PUM3: variants seen among roughly 807,000 people sequenced by gnomAD.
PUM3 encodes pumilio homolog 3.
PUM3 carries 91 observed loss-of-function variants against 84.0 expected under a neutral mutation model. That is an observed-to-expected ratio of 1.08 (90% CI 0.91 to 1.29). The LOEUF is 1.29. PUM3 is among the 50% of genes most tolerant of loss of function. The pLI is 0.00. For synonymous variants in PUM3, 321 were observed against 266.7 expected (o/e 1.20, Z -1.98); for missense variants, 1,067 against 767.5 (o/e 1.39, Z -4.61).
intron 12 of PUM3, among the ~76,000 whole-genome samples, chr9:2,822,707 G>A (rs955046415): frequency 7.5e-6 from 1 of 133,142 alleles, no homozygotes; most frequent in Non-Finnish European, 1.6e-5. Flanking sequence ...TTATAATTAT[G>A]AATTATATTT....
intron 12 of PUM3, among the ~76,000 whole-genome samples, chr9:2,821,286 T>C (rs997726135): frequency 3.3e-5 from 5 of 150,792 alleles, no homozygotes; most frequent in Non-Finnish European, 7.4e-5. Context: ...CTACTACTAA[T>C]ACAAAACATT....
chr9:2,838,062 A>G (rs768094248), intron 2 of PUM3, among the ~76,000 whole-genome samples: 1 of 152,196 alleles, frequency 6.6e-6, no homozygotes, highest in Non-Finnish European at 1.5e-5. Flanking sequence ...GGAATAATAA[A>G]GACATCACCA....
intron 3 of PUM3, among the ~76,000 whole-genome samples, chr9:2,835,387 C>A (rs1017452770): frequency 3.3e-5 from 5 of 152,134 alleles, no homozygotes; most frequent in Non-Finnish European, 7.4e-5. Context: ...CATTGCACTT[C>A]ACAGTCTGGG....
At chr9:2,831,095 A>C in intron 6 of PUM3, 67 bp from the exon 7 acceptor site, 1 of 1,007,516 alleles carries the variant, frequency 9.9e-7, no homozygotes, top group South Asian at 1.4e-5. Flanking sequence ...CAAAGGGAGG[A>C]AATTTGTCCC....
At chr9:2,840,198 C>T (rs1280410726) in intron 1 of PUM3, among the ~76,000 whole-genome samples, 1 of 152,126 alleles carries the variant, frequency 6.6e-6, no homozygotes, top group Admixed American at 6.5e-5. Context: ...TTATGTTAAC[C>T]GTGTTCACTT....
chr9:2,838,440 A>C lies in PUM3; in HGVS notation c.68T>G (p.Phe23Cys). The C allele has an allele frequency of 6.2e-7, 1 of 1,610,692 alleles. No homozygotes were observed. Among genetic ancestry groups the C allele is most frequent in the Non-Finnish European group, 8.5e-7 (1 of 1,177,006 alleles). ...GCATATCTTACCACTATTTTTATGA[A>C]ATCTGTTTTTTTCTTGTGCTGTCTT... ...STKTAQEKNR[F>C]HKNSDSGSSK... The change falls in exon 2 of 18, where the codon TTT (phenylalanine) becomes TGT (cysteine). Residue 23 changes from phenylalanine to cysteine, a missense_variant. Transcript: ENST00000397885.
chr9:2,842,674 G>C (rs1816296759), intron 1 of PUM3, among the ~76,000 whole-genome samples: 1 of 152,024 alleles, frequency 6.6e-6, no homozygotes, highest in South Asian at 2.1e-4. Context: ...TTTATGCTGA[G>C]TACTCCCAAA....
rs1386519142 is a variant in PUM3, at chr9:2,837,174, A to G, written c.304+6T>C. On this transcript the variant is annotated splice_donor_region_variant and intron_variant, in intron 3 of 17. Transcript: ENST00000397885. ...CTAGTTCAGGCATGAACGAACCAGT[A>G]CTTACCATCGCTTCTACCATCTGGC... 2.5e-6 allele frequency: 4 copies of G among 1,612,652 alleles called. No homozygotes were observed. Among genetic ancestry groups the G allele is most frequent in the East Asian group, 2.2e-5 (1 of 44,876 alleles).
intron 7 of PUM3, 122 bp from the exon 8 acceptor site, chr9:2,830,070 G>C: frequency 1.3e-6 from 1 of 765,862 alleles, no homozygotes; most frequent in Non-Finnish European, 2.1e-6. Context: ...GAGTAAATGA[G>C]CTAGCATGCA....
chr9:2,835,921 T>C (rs1816107957), intron 3 of PUM3, among the ~76,000 whole-genome samples: 1 of 152,146 alleles, frequency 6.6e-6, no homozygotes. Context: ...TATATGTGTT[T>C]AAAATGCAGG....
At chr9:2,818,012 T>G (rs1337238928) in intron 13 of PUM3, among the ~76,000 whole-genome samples, 3 of 152,264 alleles carry the variant, frequency 2.0e-5, no homozygotes, top group African/African-American at 7.2e-5. Flanking sequence ...GTATCCATTT[T>G]GAAAGGCGAA....
At chr9:2,805,590 AAAAGT>A (rs1821241845) in intron 17 of PUM3, among the ~76,000 whole-genome samples, 1 of 152,220 alleles carries the variant, frequency 6.6e-6, no homozygotes, top group Non-Finnish European at 1.5e-5. Context: ...TACGATGCTA[AAAAGT>A]AAAGTTCCCT....
chr9:2,820,503 A>C (rs1232145520), intron 12 of PUM3, among the ~76,000 whole-genome samples: 1 of 152,140 alleles, frequency 6.6e-6, no homozygotes, highest in Non-Finnish European at 1.5e-5. Context: ...AATCATGAAA[A>C]AGAAAATATA....
chr9:2,823,524 T>C (rs540332204), intron 12 of PUM3, among the ~76,000 whole-genome samples: 1 of 152,094 alleles, frequency 6.6e-6, no homozygotes, highest in South Asian at 2.1e-4. Flanking sequence ...AAATATCAGG[T>C]TTTCAAAGAA....
At position 2,811,563 on chromosome 9, in the gene PUM3, C is replaced by G. The variant is rs377692147; in HGVS notation, c.1433G>C (p.Arg478Pro). 6.2e-7 allele frequency: 1 copy of G among 1,613,598 alleles called. No homozygotes were observed. Among genetic ancestry groups the G allele is most frequent in the Non-Finnish European group, 8.5e-7 (1 of 1,179,750 alleles). ...NAHSKKDTEVRRRELLESISP... is the reference protein window; with the variant it reads ...NAHSKKDTEVPRRELLESISP... ...AATGGATTCTAGGAGCTCCCGTCTG[C>G]GGACCTCTGTATCTTTCTTACTGTT... Residue 478 changes from arginine to proline, a missense_variant, in exon 15 of 18, where the codon CGC (arginine) becomes CCC (proline). Physicochemically the swap from Arg to Pro is moderately radical, Grantham distance 103. Coordinates refer to ENST00000397885, the MANE Select transcript of PUM3 (RefSeq NM_014878.5).
chr9:2,824,431 T>C (rs569116366), intron 11 of PUM3, among the ~76,000 whole-genome samples: 2 of 152,346 alleles, frequency 1.3e-5, no homozygotes, highest in East Asian at 3.9e-4. Flanking sequence ...CCAAAACCTC[T>C]ATAAACTAAA....
At chr9:2,827,458 C>T (rs1402725706) in intron 9 of PUM3, among the ~76,000 whole-genome samples, 1 of 152,104 alleles carries the variant, frequency 6.6e-6, no homozygotes, top group African/African-American at 2.4e-5. Flanking sequence ...TACATTTTTT[C>T]CCCCAGCACT....
At chr9:2,805,570 G>C (rs554675836) in intron 17 of PUM3, among the ~76,000 whole-genome samples, 12 of 152,252 alleles carry the variant, frequency 7.9e-5, no homozygotes, top group African/African-American at 2.6e-4. Context: ...AAACAATTCA[G>C]CTTGCCACCT....
chr9:2,828,532 C>T (rs936068668), intron 9 of PUM3, 143 bp downstream of exon 9: 2 of 579,378 alleles, frequency 3.5e-6, no homozygotes, highest in Non-Finnish European at 6.1e-6. Flanking sequence ...AGAATGGTTT[C>T]AAACCAACAC....
Sources: allele counts gnomAD v4.1 joint callset (sites outside exome capture counted in the v4.1 genomes callset), GRCh38; gene constraint gnomAD v4.1.1; transcripts MANE v1.5; gene names NCBI Gene and HGNC (gene_info 2026-07-23, HGNC 2026-07-21).